ROBO2: variants seen among roughly 807,000 people sequenced by gnomAD.
ROBO2 encodes the protein roundabout guidance receptor 2.
In ROBO2, 53 loss-of-function variants were observed where a neutral mutation model predicts 160.8. That is an observed-to-expected ratio of 0.33 (90% confidence interval 0.26 to 0.41). ROBO2 has a LOEUF of 0.41. ROBO2 is among the 10% of genes least tolerant of loss of function. The pLI, the probability that ROBO2 is intolerant of heterozygous loss-of-function variation, is 1.00. For missense variants in ROBO2, 1,577 were observed against 1,722.4 expected (o/e 0.92, Z 1.49); for synonymous variants, 664 against 611.7 (o/e 1.09, Z -1.26).
chr3:77,142,155 C>CAT (rs2076756547), intron 2 of ROBO2, among the ~76,000 whole-genome samples: 1 of 151,860 alleles, frequency 6.6e-6, no homozygotes, highest in Admixed American at 6.6e-5. Flanking sequence ...TAGAAATTTC[C>CAT]ATATATATAC....
intron 2 of ROBO2, among the ~76,000 whole-genome samples, chr3:76,149,962 A>G (rs1394932370): frequency 6.6e-6 from 1 of 151,048 alleles, no homozygotes; most frequent in Non-Finnish European, 1.5e-5. Flanking sequence ...TAAAGCACAC[A>G]TCATATGTCT....
chr3:77,308,780 C>G (rs2063307742), intron 2 of ROBO2, among the ~76,000 whole-genome samples: 1 of 152,124 alleles, frequency 6.6e-6, no homozygotes, highest in African/African-American at 2.4e-5. Flanking sequence ...CTCTCAGATT[C>G]TAACTAATTC....
chr3:75,978,127 C>T (rs2065179449), intron 2 of ROBO2, among the ~76,000 whole-genome samples: 1 of 151,432 alleles, frequency 6.6e-6, no homozygotes, highest in African/African-American at 2.4e-5. Context: ...TTAAATTTTA[C>T]CATCATAAAT....
At chr3:77,129,173 T>A (rs190892388) in intron 2 of ROBO2, among the ~76,000 whole-genome samples, 135 of 152,144 alleles carry the variant, frequency 8.9e-4, no homozygotes, top group African/African-American at 3.2e-3. Flanking sequence ...ACTAATTATG[T>A]GTCTTTATTT....
At chr3:75,936,765 T>A (rs1947798127) in intron 1 of ROBO2, among the ~76,000 whole-genome samples, 1 of 152,010 alleles carries the variant, frequency 6.6e-6, no homozygotes, top group South Asian at 2.1e-4. Context: ...TGGTGGACAT[T>A]TAAGTATTTT....
chr3:76,334,346 G>A (rs889128095), intron 2 of ROBO2, among the ~76,000 whole-genome samples: 2 of 152,072 alleles, frequency 1.3e-5, no homozygotes, highest in African/African-American at 4.8e-5. Flanking sequence ...AAATGCTTGG[G>A]ATGTAGAAGT....
chr3:77,617,274 T>G (rs1241514790), intron 21 of ROBO2, among the ~76,000 whole-genome samples: 2 of 152,182 alleles, frequency 1.3e-5, no homozygotes, highest in Non-Finnish European at 2.9e-5. Flanking sequence ...GGGGTAACAA[T>G]TAGCTAAAAA....
intron 2 of ROBO2, among the ~76,000 whole-genome samples, chr3:76,739,976 T>C (rs777483139): frequency 6.6e-6 from 1 of 152,212 alleles, no homozygotes; most frequent in Non-Finnish European, 1.5e-5. Context: ...ATATTATGGG[T>C]CTTCCATTTC....
intron 2 of ROBO2, among the ~76,000 whole-genome samples, chr3:76,175,864 T>G (rs779828824): frequency 3.3e-5 from 5 of 152,188 alleles, no homozygotes; most frequent in African/African-American, 1.2e-4. Context: ...ATATGCTTTC[T>G]GGGCAAGAGA....
intron 6 of ROBO2, among the ~76,000 whole-genome samples, chr3:77,530,550 G>A (rs1412547942): frequency 1.3e-5 from 2 of 152,010 alleles, no homozygotes; most frequent in Non-Finnish European, 2.9e-5. Context: ...TCTAGTGTGG[G>A]AGGTATTACT....
intron 12 of ROBO2, among the ~76,000 whole-genome samples, chr3:77,567,483 A>C (rs2093518584): frequency 6.6e-6 from 1 of 152,008 alleles, no homozygotes; most frequent in South Asian, 2.1e-4. Context: ...CGAGAATATA[A>C]ACCATCATAT....
intron 17 of ROBO2, among the ~76,000 whole-genome samples, chr3:77,590,192 T>C (rs2094147062): frequency 6.6e-6 from 1 of 152,118 alleles, no homozygotes; most frequent in Admixed American, 6.6e-5. Context: ...TTAGAAGACA[T>C]TTCCAGGACT....
intron 2 of ROBO2, among the ~76,000 whole-genome samples, chr3:77,453,400 A>T (rs777503646): frequency 6.6e-6 from 1 of 151,746 alleles, no homozygotes; most frequent in African/African-American, 2.4e-5. Context: ...TTCAATCTCA[A>T]TGGCTAGTCA....
intron 5 of ROBO2, among the ~76,000 whole-genome samples, chr3:77,494,557 G>A (rs578006564): frequency 3.8e-4 from 58 of 152,182 alleles, no homozygotes; most frequent in African/African-American, 1.2e-3. Context: ...CAGCCTGGGC[G>A]ACAGAGTGAG....
At chr3:77,475,055 C>T (rs1053160646) in intron 2 of ROBO2, among the ~76,000 whole-genome samples, 4 of 141,556 alleles carry the variant, frequency 2.8e-5, no homozygotes, top group African/African-American at 1.0e-4. Flanking sequence ...TGCTGAAAAG[C>T]ATGTTTTTCA....
chr3:77,200,267 TTATATATA>T (rs144644165), intron 2 of ROBO2, among the ~76,000 whole-genome samples: 795 of 46,184 alleles, frequency 0.017, 10 homozygotes, highest in African/African-American at 0.02. Context: ...CTAACATATT[TTATATATA>T]TATATATATA....
At chr3:76,361,537 CTT>C in intron 2 of ROBO2, among the ~76,000 whole-genome samples, 1 of 151,944 alleles carries the variant, frequency 6.6e-6, no homozygotes. Context: ...AGAGCAAAAA[CTT>C]TTCAAATTGC....
At chr3:76,148,047 C>G (rs1044756717) in intron 2 of ROBO2, among the ~76,000 whole-genome samples, 1 of 152,026 alleles carries the variant, frequency 6.6e-6, no homozygotes. Flanking sequence ...AGAGAGCAAG[C>G]TGGCCTAATG....
At chr3:76,992,458 T>C (rs72902057) in intron 2 of ROBO2, among the ~76,000 whole-genome samples, 125 of 151,002 alleles carry the variant, frequency 8.3e-4, no homozygotes, top group African/African-American at 2.9e-3. Flanking sequence ...ATTACTGAAA[T>C]ACATCTCTAA....
Sources: allele counts gnomAD v4.1 joint callset (sites outside exome capture counted in the v4.1 genomes callset), GRCh38; gene constraint gnomAD v4.1.1; transcripts MANE v1.5; gene names NCBI Gene and HGNC (gene_info 2026-07-23, HGNC 2026-07-21).